The following PER2 variants were observed in gnomAD, a reference collection of about 807,000 sequenced individuals.
PER2 encodes period circadian protein homolog 2.
In PER2, 66 loss-of-function variants were observed where a neutral mutation model predicts 121.0. The observed-to-expected ratio is 0.55, with a 90% CI of 0.45 to 0.67. The LOEUF (loss-of-function observed/expected upper bound fraction) is 0.67. PER2 is among the 30% of genes least tolerant of loss of function. The pLI is 0.00. For synonymous variants in PER2, 684 were observed against 659.9 expected, an observed-to-expected ratio of 1.04 and a Z score of -0.56; for missense variants, 1,521 against 1,635.0, an observed-to-expected ratio of 0.93 and a Z score of 1.20.
upstream of PER2, among the ~76,000 whole-genome samples, chr2:238,293,239 A>G (rs562536247): frequency 2.0e-5 from 3 of 152,262 alleles, no homozygotes; most frequent in South Asian, 4.1e-4. Flanking sequence ...GTATCCTAAG[A>G]CAAAAAATAT....
intron 12 of PER2, among the ~76,000 whole-genome samples, 197 bp from the exon 13 acceptor site, chr2:238,261,150 G>A (rs1017762758): frequency 5.2e-4 from 79 of 152,306 alleles, no homozygotes; most frequent in African/African-American, 1.6e-3. Context: ...GCGGTGCCCC[G>A]ACCCAGACAT....
intron 15 of PER2, 25 bp from the exon 16 acceptor site, chr2:238,258,425 G>A: frequency 6.2e-7 from 1 of 1,614,160 alleles, no homozygotes; most frequent in South Asian, 1.1e-5. Flanking sequence ...TGAACCACTG[G>A]TGAGGCCACA....
At chr2:238,296,110 T>TGTGA in the PER2 span, among the ~76,000 whole-genome samples, 3 of 1,502 alleles carry the variant, frequency 2.0e-3, no homozygotes, top group Non-Finnish European at 2.8e-3. Flanking sequence ...TCGTGTGCCC[T>TGTGA]CCTGCTGCAG....
chr2:238,273,498 CTT>C (rs35748668), intron 4 of PER2, among the ~76,000 whole-genome samples: 9 of 139,084 alleles, frequency 6.5e-5, no homozygotes, highest in Admixed American at 1.4e-4. Context: ...CCAGAAGGGG[CTT>C]TTTTTTTTTT....
At chr2:238,263,268 C>G (rs1695992745) in intron 9 of PER2, among the ~76,000 whole-genome samples, 1 of 150,756 alleles carries the variant, frequency 6.6e-6, no homozygotes, top group Non-Finnish European at 1.5e-5. Flanking sequence ...CTGAAGGAGG[C>G]TCCCTCTGCT....
Position 238,246,458 on chromosome 2 carries a change from A to G in PER2, c.3685T>C (p.Ser1229Pro). 1.2e-6 allele frequency: 2 copies of G among 1,601,946 alleles called. No homozygotes were observed. The highest frequency in any genetic ancestry group is 1.7e-6 in the Non-Finnish European group (2 of 1,168,952). ...TCCGACACTTCGCTGAGTCCCAGAG[A>G]AGGAATATCTTCCTCATATGGTATG... Reference protein sequence around the residue: ...ICIPYEEDIPSLGLSEVSDTK... With the variant: ...ICIPYEEDIPPLGLSEVSDTK... Residue 1229 changes from serine (S) to proline (P), a missense_variant, in exon 23 of 23, where the codon TCT (serine) becomes CCT (proline). Coordinates refer to ENST00000254657, the MANE Select transcript of PER2 (RefSeq NM_022817.3).
chr2:238,285,388 G>T (rs1365684464), intron 1 of PER2, among the ~76,000 whole-genome samples: 1 of 152,182 alleles, frequency 6.6e-6, no homozygotes, highest in East Asian at 1.9e-4. Context: ...CTACTGGCTG[G>T]TGGGGTCGCA....
intron 22 of PER2, among the ~76,000 whole-genome samples, chr2:238,247,861 A>G (rs551276130): frequency 5.1e-4 from 77 of 152,322 alleles, no homozygotes; most frequent in African/African-American, 1.6e-3. Context: ...TGCTGGCAGG[A>G]ATCTGAACTG....
chr2:238,266,685 G>A (rs1333205127), intron 8 of PER2, among the ~76,000 whole-genome samples: 1 of 152,072 alleles, frequency 6.6e-6, no homozygotes, highest in Non-Finnish European at 1.5e-5. Context: ...ATACACGCAG[G>A]AACACAAAAA....
upstream of PER2, among the ~76,000 whole-genome samples, chr2:238,291,153 G>A (rs1258082161): frequency 6.6e-6 from 1 of 152,220 alleles, no homozygotes; most frequent in East Asian, 1.9e-4. Context: ...CTTTAGTTGG[G>A]GGTGGAGGTG....
intron 5 of PER2, among the ~76,000 whole-genome samples, chr2:238,272,832 G>C (rs2106319258): frequency 6.6e-6 from 1 of 152,338 alleles, no homozygotes; most frequent in African/African-American, 2.4e-5. Flanking sequence ...GCACCCATGA[G>C]CTACAGGACA....
At chr2:238,256,039 A>T in intron 17 of PER2, 128 bp from the exon 18 acceptor site, 1 of 1,190,378 alleles carries the variant, frequency 8.4e-7, no homozygotes, top group South Asian at 1.3e-5. Context: ...TGGCATGAGG[A>T]TGAGACTCAC....
At chr2:238,292,595 G>T (rs1696966456), upstream of PER2, among the ~76,000 whole-genome samples, 1 of 152,214 alleles carries the variant, frequency 6.6e-6, no homozygotes, top group Admixed American at 6.5e-5. Flanking sequence ...CACCAGGTAT[G>T]ATGAGCCTTA....
chr2:238,272,453 C>T (rs1696318527), intron 5 of PER2, among the ~76,000 whole-genome samples: 1 of 152,206 alleles, frequency 6.6e-6, no homozygotes. Flanking sequence ...CCTCTGGGCT[C>T]AGGGTTGGGG....
chr2:238,280,000 C>T (rs1696582379), intron 1 of PER2, among the ~76,000 whole-genome samples: 1 of 152,198 alleles, frequency 6.6e-6, no homozygotes, highest in South Asian at 2.1e-4. Flanking sequence ...GAAGATGCTT[C>T]GTGAGGAAGC....
rs1475392831 is a variant in PER2, at chr2:238,258,573, A to C, written c.1699T>G (p.Phe567Val). 2 of 1,614,076 alleles carry C rather than the reference A, an allele frequency of 1.2e-6. No individual in the cohort carries two copies. Among genetic ancestry groups the C allele is most frequent in the Non-Finnish European group, 1.7e-6 (2 of 1,179,924 alleles). Residue 567 changes from phenylalanine (F) to valine (V), a missense_variant, in exon 15 of 23, where the codon TTC becomes GTC. By Grantham distance (50) the Phe-to-Val change is conservative. Coordinates refer to ENST00000254657, the MANE Select transcript of PER2 (RefSeq NM_022817.3). ...AMEKDSLGVSFPEELACKNQP... is the reference protein window; with the variant it reads ...AMEKDSLGVSVPEELACKNQP... ...TTCTTGCAGGCCAACTCCTCGGGGAAGCTGACCCCCAGGCTGTCCTTTTCC... is the reference window on the plus strand; with the variant it reads ...TTCTTGCAGGCCAACTCCTCGGGGACGCTGACCCCCAGGCTGTCCTTTTCC...
rs1203311628 is a variant in PER2 at position 238,268,951 on chromosome 2, C to G, written c.796G>C (p.Glu266Gln). 6.2e-7 allele frequency: 1 copy of G among 1,612,748 alleles called. No individual in the cohort carries two copies. The highest frequency in any genetic ancestry group is 8.5e-7 in the Non-Finnish European group (1 of 1,178,812). ...ACACGGCAAAAGAAAGATTTCTCCT[C>G]CATGCATTCTTGAGTAAAAGAATCT... is the stretch of plus-strand genomic sequence containing the variant. ...GADSFTQECM[E>Q]EKSFFCRVSV... Residue 266 changes from glutamate (E) to glutamine (Q), a missense_variant, in exon 7 of 23, where the codon GAG becomes CAG. Physicochemically the swap from Glu to Gln is conservative, Grantham distance 29. Transcript: ENST00000254657. This position sits in a 1 kb window ranked among gnomAD's most constrained non-coding sequence, Gnocchi z 4.0.
intron 1 of PER2, among the ~76,000 whole-genome samples, chr2:238,278,226 T>C (rs1429489678): frequency 6.6e-6 from 1 of 152,094 alleles, no homozygotes; most frequent in Non-Finnish European, 1.5e-5. Flanking sequence ...CTCACCACCA[T>C]GCCTGGTTAA....
At chr2:238,273,633 T>C (rs574459499) in intron 4 of PER2, among the ~76,000 whole-genome samples, 6 of 151,816 alleles carry the variant, frequency 4.0e-5, no homozygotes, top group East Asian at 3.9e-4. Context: ...GTAGCTGGGA[T>C]TACAGGAACC....
Sources: gnomAD v4.1 joint callset for allele counts (sites outside exome capture counted in the v4.1 genomes callset) on GRCh38, gnomAD v4.1.1 for gene constraint, Gnocchi (gnomAD v3.1) non-coding constraint, MANE v1.5 for transcripts, NCBI Gene and HGNC (gene_info 2026-07-23, HGNC 2026-07-21) for gene names.